Variants in PCP2 observed in about 807,000 individuals in gnomAD.
PCP2 encodes Purkinje cell protein 2.
Under a neutral mutation model 18.3 loss-of-function variants are expected in PCP2, and 21 were observed. That is an observed-to-expected ratio of 1.14 (90% confidence interval 0.81 to 1.65). PCP2 has a LOEUF of 1.65. Among genes scored for constraint, PCP2 ranks in the 40% most tolerant of loss-of-function variants. The pLI is 0.00. For synonymous variants in PCP2, 85 were observed against 77.6 expected (o/e 1.10, Z -0.50); for missense variants, 202 against 201.8 (o/e 1.00, Z 0.00).
intron 1 of PCP2, among the ~76,000 whole-genome samples, 192 bp downstream of exon 1, chr19:7,633,215 G>T (rs913532318): frequency 6.6e-6 from 1 of 152,200 alleles, no homozygotes; most frequent in African/African-American, 2.4e-5. Flanking sequence ...GGGTCCACAC[G>T]GAGAGCCCTG....
upstream of PCP2, chr19:7,633,908 AAGG>A (rs1412749545): frequency 6.2e-6 from 1 of 161,998 alleles, no homozygotes; most frequent in African/African-American, 2.4e-5. Context: ...GGTACAGAAA[AAGG>A]AGGTTGGAGT....
rs2031344494 is a variant in PCP2 at position 7,632,262 on chromosome 19, C to T, written c.291+131G>A. 1 of 1,394,364 alleles carries T rather than the reference C, an allele frequency of 7.2e-7. No homozygotes were observed. Among genetic ancestry groups the T allele is most frequent in the South Asian group, 1.3e-5 (1 of 75,754 alleles). The allele number at this position is 1,394,364 out of a possible 1,614,324, so 86.4% of individuals were successfully genotyped here. A position where few individuals can be genotyped will look rare whatever the true frequency, so the allele number is the denominator to read the frequency against. On this transcript the variant is annotated intron_variant, in intron 3 of 3. Coordinates refer to ENST00000311069, the MANE Select transcript of PCP2 (RefSeq NM_174895.3). This position sits in a 1 kb window ranked among gnomAD's most constrained non-coding sequence, Gnocchi z 5.2. Reference sequence around the variant, plus strand: ...TAGCCACTGCCTGGGCCTTGGTCCTCCCATCTGAAGTCAGGGCAGCGGATG... The same window carrying T: ...TAGCCACTGCCTGGGCCTTGGTCCTTCCATCTGAAGTCAGGGCAGCGGATG...
Position 7,632,161 on chromosome 19 carries a change from G to A in PCP2, c.291+232C>T, listed in dbSNP as rs2031340577. ...CCCTTTGGCCTCCCCAGAACCTTCA[G>A]ACTTGGGGGCAGGAGCCACAAGTTC... is the stretch of plus-strand genomic sequence containing the variant. On this transcript the variant is annotated intron_variant, in intron 3 of 3. Coordinates refer to ENST00000311069, the MANE Select transcript of PCP2 (RefSeq NM_174895.3). The surrounding 1 kb of genome is among the most constrained non-coding windows in gnomAD (Gnocchi z 5.2). The A allele has an allele frequency of 1.5e-6, 1 of 678,422 alleles. No homozygotes were observed. The highest frequency in any genetic ancestry group is 2.4e-6 in the Non-Finnish European group (1 of 414,268). The allele number at this position is 678,422 out of a possible 1,614,324, so 42.0% of individuals were successfully genotyped here. A position where few individuals can be genotyped will look rare whatever the true frequency, so the allele number is the denominator to read the frequency against.
chr19:7,634,231 C>T (rs3745363), upstream of PCP2, among the ~76,000 whole-genome samples: 1 of 152,030 alleles, frequency 6.6e-6, no homozygotes, highest in African/African-American at 2.4e-5. Flanking sequence ...CCTGCCTTTT[C>T]CCCCGAGCCA....
At chr19:7,635,404 G>A (rs947099412), upstream of PCP2, among the ~76,000 whole-genome samples, 4 of 152,216 alleles carry the variant, frequency 2.6e-5, no homozygotes, top group African/African-American at 9.7e-5. Context: ...TGTTACAAAA[G>A]GAGGAAGGGG....
At chr19:7,636,894 G>C (rs746162452), upstream of PCP2, 48 of 387,330 alleles carry the variant, frequency 1.2e-4, no homozygotes, top group African/African-American at 1.9e-4. Context: ...GTGTGTGTCT[G>C]AACTCCCATC....
At position 7,631,827 on chromosome 19, in the gene PCP2, C is replaced by T. The variant is rs2031322031; in HGVS notation, c.292-19G>A. On this transcript the variant is annotated intron_variant, in intron 3 of 3. Coordinates refer to ENST00000311069, the MANE Select transcript of PCP2 (RefSeq NM_174895.3). ...CTCCGTCCTGTGGATGAAGAGGGGTCAGCCAGGGGGAGGGCTCAAGGGCAG... is the reference window on the plus strand; with the variant it reads ...CTCCGTCCTGTGGATGAAGAGGGGTTAGCCAGGGGGAGGGCTCAAGGGCAG... 2 of 1,383,448 alleles carry T rather than the reference C, an allele frequency of 1.4e-6. No individual in the cohort carries two copies. Among genetic ancestry groups the T allele is most frequent in the South Asian group, 2.1e-5 (1 of 47,732 alleles). 85.7% of individuals were successfully genotyped at this position (1,383,448 alleles called of 1,614,324 possible). A position where few individuals can be genotyped will look rare whatever the true frequency, so the allele number is the denominator to read the frequency against.
In PCP2 at chr19:7,633,475, A is replaced by G; in HGVS notation, c.-18T>C. Reference sequence around the variant, plus strand: ...TCCATCATGTCCCTGGACTCCAGTCACTTTTCTGCTGGCCTCTGCCCCGGC... The same window carrying G: ...TCCATCATGTCCCTGGACTCCAGTCGCTTTTCTGCTGGCCTCTGCCCCGGC... On this transcript the variant is annotated 5_prime_UTR_variant, in exon 1 of 4. Coordinates refer to ENST00000311069, the MANE Select transcript of PCP2 (RefSeq NM_174895.3). The G allele has an allele frequency of 6.4e-7, 1 of 1,569,298 alleles. No homozygotes were observed. The highest frequency in any genetic ancestry group is 8.7e-7 in the Non-Finnish European group (1 of 1,155,762).
rs2031362926 is a variant in PCP2, at chr19:7,632,533, C to T, written c.167-16G>A. On this transcript the variant is annotated splice_polypyrimidine_tract_variant and intron_variant, in intron 2 of 3. Transcript: ENST00000311069. The surrounding 1 kb of genome is among the most constrained non-coding windows in gnomAD (Gnocchi z 5.2). ...GGGTCGCTCTCTGCGTGGACGTTCA[C>T]AGACTTGGGAGGACACAGCCGGAGT... 2 of 1,612,064 alleles carry T rather than the reference C, an allele frequency of 1.2e-6. No individual in the cohort carries two copies. Among genetic ancestry groups the T allele is most frequent in the East Asian group, 4.5e-5 (2 of 44,878 alleles).
chr19:7,631,693 G>A lies in PCP2; in HGVS notation c.407C>T (p.Pro136Leu). ...GACCCAGGATGCCTCAGGCCCTCAG[G>A]GGGCTTGTGTCGGGGGCTGGGGGCT... ...NSSPQPPTQAP is the reference protein window; with the variant it reads ...NSSPQPPTQAL The change falls in exon 4 of 4, where the codon CCC becomes CTC. Residue 136 changes from proline (P) to leucine (L), a missense_variant. Coordinates refer to ENST00000311069, the MANE Select transcript of PCP2 (RefSeq NM_174895.3). 6.9e-7 allele frequency: 1 copy of A among 1,457,470 alleles called. No individual in the cohort carries two copies. The highest frequency in any genetic ancestry group is 2.6e-5 in the East Asian group (1 of 38,910). 90.3% of individuals were successfully genotyped at this position (1,457,470 alleles called of 1,614,324 possible). A position where few individuals can be genotyped will look rare whatever the true frequency, so the allele number is the denominator to read the frequency against.
At chr19:7,634,127 G>T (rs2031442582), upstream of PCP2, among the ~76,000 whole-genome samples, 1 of 152,212 alleles carries the variant, frequency 6.6e-6, no homozygotes, top group African/African-American at 2.4e-5. Flanking sequence ...CTAAATGCCA[G>T]GTTGAGCTAT....
rs377521499 is a variant in PCP2, at chr19:7,632,502, G to A, written c.182C>T (p.Pro61Leu). Residue 61 changes from proline to leucine, a missense_variant, in exon 3 of 4, where the codon CCC (proline) becomes CTC (leucine). Coordinates refer to ENST00000311069, the MANE Select transcript of PCP2 (RefSeq NM_174895.3). The surrounding 1 kb of genome is among the most constrained non-coding windows in gnomAD (Gnocchi z 5.2). ...QTTKSQSDPT[P>L]EMDSLMDMLA... ...CATGTCCATGAGGCTGTCCATCTCG[G>A]GGGTGGGGTCGCTCTCTGCGTGGAC... 4 of 1,613,348 alleles carry A rather than the reference G, an allele frequency of 2.5e-6. No homozygotes were observed. In the African/African-American group the frequency reaches 5.3e-5, roughly 22 times the overall value.
In PCP2 at chr19:7,632,855, G is replaced by C. The variant is rs949072266; in HGVS notation, c.52-25C>G. 3.2e-6 allele frequency: 5 copies of C among 1,540,850 alleles called. No individual in the cohort carries two copies. Among genetic ancestry groups the C allele is most frequent in the Non-Finnish European group, 4.4e-6 (5 of 1,145,514 alleles). On this transcript the variant is annotated intron_variant, in intron 1 of 3. Transcript: ENST00000311069. This position sits in a 1 kb window ranked among gnomAD's most constrained non-coding sequence, Gnocchi z 5.2. Reference sequence around the variant, plus strand: ...CCTGGGGACAGACTCGCTCAGTCTGGTTGGCCCTTCAGCTTGGGGGCCCCT... The same window carrying C: ...CCTGGGGACAGACTCGCTCAGTCTGCTTGGCCCTTCAGCTTGGGGGCCCCT...
At position 7,632,037 on chromosome 19, in the gene PCP2, GA is replaced by G; in HGVS notation, c.292-230del. 2 of 486,858 alleles carry G rather than the reference GA, an allele frequency of 4.1e-6. No homozygotes were observed. The highest frequency in any genetic ancestry group is 7.1e-6 in the Non-Finnish European group (2 of 281,432). The allele number at this position is 486,858 out of a possible 1,614,324, so 30.2% of individuals were successfully genotyped here. A position where few individuals can be genotyped will look rare whatever the true frequency, so the allele number is the denominator to read the frequency against. On this transcript the variant is annotated intron_variant, in intron 3 of 3. Coordinates refer to ENST00000311069, the MANE Select transcript of PCP2 (RefSeq NM_174895.3). This position sits in a 1 kb window ranked among gnomAD's most constrained non-coding sequence, Gnocchi z 5.2. ...CAGAACCCAAGCTTCGTGTATGTGTGAAGTCAACAGATGTGAGTATACAGAT... is the reference window on the plus strand; with the variant it reads ...CAGAACCCAAGCTTCGTGTATGTGTGAGTCAACAGATGTGAGTATACAGAT...
At chr19:7,634,540 T>C (rs1156381166), upstream of PCP2, among the ~76,000 whole-genome samples, 1 of 152,218 alleles carries the variant, frequency 6.6e-6, no homozygotes, top group South Asian at 2.1e-4. Flanking sequence ...ACTTTTGTTA[T>C]ATATTTTTAT....
chr19:7,631,746 C>A lies in PCP2; in HGVS notation c.354G>T (p.Pro118=). The A allele has an allele frequency of 6.9e-7, 1 of 1,445,074 alleles. No individual in the cohort carries two copies. The highest frequency in any genetic ancestry group is 9.1e-7 in the Non-Finnish European group (1 of 1,096,432). 89.5% of individuals were successfully genotyped at this position (1,445,074 alleles called of 1,614,324 possible). A position where few individuals can be genotyped will look rare whatever the true frequency, so the allele number is the denominator to read the frequency against. ...SPQPLLTPQD[P]TALGFRRNSS... ...TGTTCCGACGGAAGCCGAGAGCGGTCGGGTCCTGAGGGGTGAGCAGGGGTT... is the reference window on the plus strand; with the variant it reads ...TGTTCCGACGGAAGCCGAGAGCGGTAGGGTCCTGAGGGGTGAGCAGGGGTT... The change falls in exon 4 of 4, where the codon CCG becomes CCT. Residue 118 remains proline, a synonymous_variant. Transcript: ENST00000311069.
At chr19:7,635,967 T>A (rs1261795754), upstream of PCP2, among the ~76,000 whole-genome samples, 1 of 152,172 alleles carries the variant, frequency 6.6e-6, no homozygotes, top group Non-Finnish European at 1.5e-5. Context: ...TACCTGGACA[T>A]GCTGTGTGGC....
rs567036760 is a variant in PCP2 at position 7,632,688 on chromosome 19, T to C, written c.166+28A>G. ...GCACTCCCACCCCGTTCACGCCCCATGGACAGCACCCCCGTGCCCATGCTC... is the reference window on the plus strand; with the variant it reads ...GCACTCCCACCCCGTTCACGCCCCACGGACAGCACCCCCGTGCCCATGCTC... On this transcript the variant is annotated intron_variant, in intron 2 of 3. Coordinates refer to ENST00000311069, the MANE Select transcript of PCP2 (RefSeq NM_174895.3). This position sits in a 1 kb window ranked among gnomAD's most constrained non-coding sequence, Gnocchi z 5.2. The C allele has an allele frequency of 4.5e-6, 7 of 1,549,816 alleles. No homozygotes were observed. In the South Asian group the frequency reaches 5.8e-5, roughly 13 times the overall value.
rs1180364137 is a variant in PCP2, at chr19:7,632,384, A to G, written c.291+9T>C. On this transcript the variant is annotated intron_variant, in intron 3 of 3. Transcript: ENST00000311069. The surrounding 1 kb of genome is among the most constrained non-coding windows in gnomAD (Gnocchi z 5.2). ...GGTTTCTCCTCGACATCGCCAGAACATCACCTACCTTGGACCCCACGGGCT... is the reference window on the plus strand; with the variant it reads ...GGTTTCTCCTCGACATCGCCAGAACGTCACCTACCTTGGACCCCACGGGCT... The G allele has an allele frequency of 6.2e-7, 1 of 1,613,480 alleles. No homozygotes were observed. Among genetic ancestry groups the G allele is most frequent in the African/African-American group, 1.3e-5 (1 of 74,840 alleles).
Sources: gnomAD v4.1 joint callset for allele counts (sites outside exome capture counted in the v4.1 genomes callset) on GRCh38, gnomAD v4.1.1 for gene constraint, Gnocchi (gnomAD v3.1) non-coding constraint, MANE v1.5 for transcripts, NCBI Gene and HGNC (gene_info 2026-07-23, HGNC 2026-07-21) for gene names.